The following UPB1 variants were observed in gnomAD, a reference collection of about 807,000 sequenced individuals.
The protein encoded by UPB1 is beta-ureidopropionase.
UPB1 carries 40 observed loss-of-function variants against 49.1 expected under a neutral mutation model. That is an observed-to-expected ratio of 0.81 (90% CI 0.63 to 1.06). UPB1 has a LOEUF of 1.06. UPB1 is among the 50% of genes least tolerant of loss of function. The probability of loss-of-function intolerance (pLI) is 0.00; values close to 1 mark genes in which losing one functional copy is unlikely to be tolerated. For missense variants in UPB1, 499 were observed against 505.9 expected (o/e 0.99, Z 0.13); for synonymous variants, 207 against 198.2 (o/e 1.04, Z -0.38).
In UPB1 at chr22:24,515,206, T is replaced by G; in HGVS notation, c.627T>G (p.Thr209=). The G allele has an allele frequency of 6.2e-7, 1 of 1,614,180 alleles. No individual in the cohort carries two copies. Among genetic ancestry groups the G allele is most frequent in the South Asian group, 1.1e-5 (1 of 91,080 alleles). ...TATGGCCCTTTGCTTTTCAGTCAAC[T>G]TACTACATGGAGGGAAACCTGGGCC... ...IPRVGDFNES[T]YYMEGNLGHP... is the part of the protein sequence containing the mutation. Residue 209 remains threonine, a synonymous_variant, in exon 6 of 10, where the codon ACT becomes ACG. Transcript: ENST00000326010.
At chr22:24,508,745 G>A (rs1202489106) in intron 3 of UPB1, among the ~76,000 whole-genome samples, 1 of 151,280 alleles carries the variant, frequency 6.6e-6, no homozygotes, top group Non-Finnish European at 1.5e-5. Flanking sequence ...GATGGGCATG[G>A]TGGTGGGCTC....
chr22:24,500,244 T>TC lies in UPB1; in HGVS notation c.247dup (p.Leu83ProfsTer16). 1 of 1,614,056 alleles carries TC rather than the reference T, an allele frequency of 6.2e-7. No individual in the cohort carries two copies. Among genetic ancestry groups the TC allele is most frequent in the Non-Finnish European group, 8.5e-7 (1 of 1,180,008 alleles). On this transcript the variant is annotated frameshift_variant, in exon 2 of 10. Coordinates refer to ENST00000326010, the MANE Select transcript of UPB1 (RefSeq NM_016327.3). LOFTEE classifies it high-confidence loss of function. Reference sequence around the variant, plus strand: ...CACGTGGGGCTGGTTCAGAACAGAATCCCCCTCCCCGCAAATGCCCCTGTG... The same window carrying TC: ...CACGTGGGGCTGGTTCAGAACAGAATCCCCCCTCCCCGCAAATGCCCCTGTG...
At chr22:24,504,373 A>G (rs1174185471) in intron 3 of UPB1, among the ~76,000 whole-genome samples, 2 of 152,218 alleles carry the variant, frequency 1.3e-5, no homozygotes, top group African/African-American at 2.4e-5. Flanking sequence ...GTTTGAACAC[A>G]TTGTTCCATT....
At chr22:24,500,419 T>C in intron 2 of UPB1, 141 bp downstream of exon 2, 1 of 1,061,124 alleles carries the variant, frequency 9.4e-7, no homozygotes, top group South Asian at 1.4e-5. Context: ...GCTTCTGCCC[T>C]GGCCTCCCCA....
intron 3 of UPB1, among the ~76,000 whole-genome samples, chr22:24,510,393 G>GTA (rs141327056): frequency 0.016 from 2,440 of 152,036 alleles, 58 homozygotes; most frequent in African/African-American, 0.05. Flanking sequence ...ATTCCATTGT[G>GTA]TATATATATA....
At chr22:24,513,687 C>T (rs2044246138) in intron 5 of UPB1, among the ~76,000 whole-genome samples, 1 of 152,162 alleles carries the variant, frequency 6.6e-6, no homozygotes, top group Non-Finnish European at 1.5e-5. Flanking sequence ...AGGATTCAGG[C>T]GGGACTCTCA....
At position 24,500,266 on chromosome 22, in the gene UPB1, T is replaced by A; in HGVS notation, c.264T>A (p.Pro88=). 6.2e-7 allele frequency: 1 copy of A among 1,614,154 alleles called. No individual in the cohort carries two copies. Among genetic ancestry groups the A allele is most frequent in the Non-Finnish European group, 8.5e-7 (1 of 1,180,014 alleles). ...GAATCCCCCTCCCCGCAAATGCCCC[T>A]GTGGCAGAACAGGTGCAGACTCTTT... ...QNRIPLPANA[P]VAEQVSALHR... The change falls in exon 2 of 10, where the codon CCT becomes CCA. Residue 88 remains proline (P), a synonymous_variant. Transcript: ENST00000326010.
At position 24,495,485 on chromosome 22, in the gene UPB1, G is replaced by C; in HGVS notation, c.82G>C (p.Val28Leu). ...PLPDLQEVKRVLYGKELRKLD... is the reference protein window; with the variant it reads ...PLPDLQEVKRLLYGKELRKLD... Reference sequence around the variant, plus strand: ...CCCCGACTTGCAGGAAGTGAAGCGCGTTCTCTATGGCAAGGAACTCAGGTC... The same window carrying C: ...CCCCGACTTGCAGGAAGTGAAGCGCCTTCTCTATGGCAAGGAACTCAGGTC... Residue 28 changes from valine (V) to leucine (L), a missense_variant, in exon 1 of 10, where the codon GTT (valine) becomes CTT (leucine). Transcript: ENST00000326010. The C allele has an allele frequency of 6.2e-7, 1 of 1,614,066 alleles. No individual in the cohort carries two copies.
At chr22:24,496,390 C>CACACACACACAT (rs1555883912) in intron 1 of UPB1, among the ~76,000 whole-genome samples, 2 of 138,704 alleles carry the variant, frequency 1.4e-5, no homozygotes, top group Admixed American at 6.9e-5. Flanking sequence ...CACACACACA[C>CACACACACACAT]ACACACACAC....
In UPB1 at chr22:24,515,263, C is replaced by T. The variant is rs773774550; in HGVS notation, c.684C>T (p.Ile228=). 1.5e-5 allele frequency: 25 copies of T among 1,614,040 alleles called. No individual in the cohort carries two copies. The East Asian group carries it at 2.5e-4, about 16-fold the overall frequency. The part of the protein sequence containing the change: ...HPVFQTQFGR[I]AVNICYGRHH... ...TGTTCCAGACGCAGTTCGGAAGGATCGCGGTGAACATTTGCTACGGGCGGC... is the reference window on the plus strand; with the variant it reads ...TGTTCCAGACGCAGTTCGGAAGGATTGCGGTGAACATTTGCTACGGGCGGC... Residue 228 remains isoleucine (I), a synonymous_variant, in exon 6 of 10, where the codon ATC becomes ATT. Transcript: ENST00000326010.
Position 24,500,213 on chromosome 22 carries a change from A to G in UPB1, c.211A>G (p.Ile71Val), listed in dbSNP as rs2043967472. ...GGAGGAGCAGCTGAGACGACCCCGC[A>G]TTGTGCACGTGGGGCTGGTTCAGAA... ...AAEEQLRRPR[I>V]VHVGLVQNRI... is the part of the protein sequence containing the mutation. Residue 71 changes from isoleucine to valine, a missense_variant, in exon 2 of 10, where the codon ATT (isoleucine) becomes GTT (valine). Ile to Val is a conservative substitution (Grantham distance 29, BLOSUM62 3). Transcript: ENST00000326010. 1.2e-6 allele frequency: 2 copies of G among 1,614,226 alleles called. No individual in the cohort carries two copies.
At position 24,526,296 on chromosome 22, in the gene UPB1, G is replaced by A; in HGVS notation, c.*502G>A. On this transcript the variant is annotated 3_prime_UTR_variant, in exon 10 of 10. Transcript: ENST00000326010. ...ATCAGACACTAATCTAGGTATTTCT[G>A]TGAAGGTATTTTGTAGATGTGACAG... 4.6e-6 allele frequency: 1 copy of A among 219,330 alleles called. No individual in the cohort carries two copies. Among genetic ancestry groups the A allele is most frequent in the Non-Finnish European group, 9.4e-6 (1 of 106,808 alleles). The allele number at this position is 219,330 out of a possible 1,614,324, so 13.6% of individuals were successfully genotyped here.
chr22:24,513,347 G>A lies in UPB1; in HGVS notation c.483G>A (p.Val161=), dbSNP rs1176118373. ...AGCTGGCGAAGAACCATGACATGGT[G>A]GTGGTGTCTCCCATCCTGGAACGAG... ...CQKLAKNHDM[V]VVSPILERDS... is the part of the protein sequence containing the mutation. Residue 161 remains valine (V), a synonymous_variant, in exon 5 of 10, where the codon GTG becomes GTA. Coordinates refer to ENST00000326010, the MANE Select transcript of UPB1 (RefSeq NM_016327.3). 2 of 1,614,058 alleles carry A rather than the reference G, an allele frequency of 1.2e-6. No individual in the cohort carries two copies. Among genetic ancestry groups the A allele is most frequent in the Admixed American group, 1.7e-5 (1 of 60,008 alleles).
At chr22:24,513,837 G>T (rs554587930) in intron 5 of UPB1, among the ~76,000 whole-genome samples, 2 of 152,152 alleles carry the variant, frequency 1.3e-5, no homozygotes. Context: ...AATGATTCCT[G>T]TGGCCCCTTT....
chr22:24,505,107 C>T (rs2044067369), intron 3 of UPB1, among the ~76,000 whole-genome samples: 1 of 152,068 alleles, frequency 6.6e-6, no homozygotes, highest in Non-Finnish European at 1.5e-5. Context: ...CCCTCCTATT[C>T]AACCTTTCAT....
chr22:24,520,326 A>G, intron 6 of UPB1, 61 bp from the exon 7 acceptor site: 1 of 1,575,476 alleles, frequency 6.3e-7, no homozygotes, highest in South Asian at 1.1e-5. Context: ...CTCAGGGCTG[A>G]GCATCCACTG....
chr22:24,527,626 A>C lies in UPB1; in HGVS notation c.*1832A>C, dbSNP rs138915589. The C allele has an allele frequency of 6.6e-6, 1 of 152,202 alleles. No homozygotes were observed. Among genetic ancestry groups the C allele is most frequent in the African/African-American group, 2.4e-5 (1 of 41,518 alleles). The allele number at this position is 152,202 out of a possible 1,614,324, so 9.4% of individuals were successfully genotyped here. A position where few individuals can be genotyped will look rare whatever the true frequency, so the allele number is the denominator to read the frequency against. The stretch of plus-strand genomic sequence containing the variant: ...CCAGAGAAGGCAGCTTCATCCCTTC[A>C]CTGGCCCAGCAGCTGAACTATATGG... On this transcript the variant is annotated 3_prime_UTR_variant, in exon 10 of 10. Transcript: ENST00000326010.
chr22:24,506,826 C>G (rs2044100050), intron 3 of UPB1, among the ~76,000 whole-genome samples: 1 of 152,194 alleles, frequency 6.6e-6, no homozygotes, highest in Non-Finnish European at 1.5e-5. Context: ...CTAACATCTC[C>G]CCTTTCTTGG....
rs1226838302 is a variant in UPB1 at position 24,515,295 on chromosome 22, C to T, written c.716C>T (p.Pro239Leu). ...AVNICYGRHH[P>L]LNWLMYSING... Reference sequence around the variant, plus strand: ...AACATTTGCTACGGGCGGCACCACCCCCTCAACTGGCTTATGTACAGCATC... The same window carrying T: ...AACATTTGCTACGGGCGGCACCACCTCCTCAACTGGCTTATGTACAGCATC... Residue 239 changes from proline (P) to leucine (L), a missense_variant, in exon 6 of 10, where the codon CCC becomes CTC. Coordinates refer to ENST00000326010, the MANE Select transcript of UPB1 (RefSeq NM_016327.3). 6.2e-7 allele frequency: 1 copy of T among 1,614,152 alleles called. No homozygotes were observed. The highest frequency in any genetic ancestry group is 8.5e-7 in the Non-Finnish European group (1 of 1,180,036).
Sources: allele counts gnomAD v4.1 joint callset (sites outside exome capture counted in the v4.1 genomes callset), GRCh38; gene constraint gnomAD v4.1.1; transcripts MANE v1.5; gene names NCBI Gene and HGNC (gene_info 2026-07-23, HGNC 2026-07-21).